Variants in TSPEAR observed in about 807,000 individuals in gnomAD.
The protein encoded by TSPEAR is thrombospondin-type laminin G domain and EAR repeat-containing protein.
Under a neutral mutation model 71.6 loss-of-function variants are expected in TSPEAR, and 69 were observed. The observed-to-expected ratio is 0.96, with a 90% CI of 0.79 to 1.18. The LOEUF (loss-of-function observed/expected upper bound fraction) is 1.18, where lower values mean the gene tolerates loss of function less well. Ranked by LOEUF, TSPEAR falls within the 50% of genes most tolerant of loss-of-function variation. TSPEAR has a pLI of 0.00. For synonymous variants in TSPEAR, 402 were observed against 387.2 expected (o/e 1.04, Z -0.45); for missense variants, 971 against 894.9 (o/e 1.09, Z -1.09).
At chr21:44,509,409 G>GCAGAGGTGTGGGGGAGCGGGCC in intron 9 of TSPEAR, 23 bp from the exon 10 acceptor site, 3 of 1,594,238 alleles carry the variant, frequency 1.9e-6, no homozygotes, top group Non-Finnish European at 2.6e-6. Flanking sequence ...GAGAGCAGGT[G>GCAGAGGTGTGGGGGAGCGGGCC]CAGAGGTGTG....
intron 1 of TSPEAR, among the ~76,000 whole-genome samples, chr21:44,600,096 T>C (rs377263): frequency 0.21 from 32,036 of 152,084 alleles, 6,489 homozygotes; most frequent in African/African-American, 0.53. Context: ...GGGGGGACTT[T>C]ATGCACCAGA....
intron 3 of TSPEAR, among the ~76,000 whole-genome samples, chr21:44,531,694 C>T (rs2052975979): frequency 6.6e-6 from 1 of 152,218 alleles, no homozygotes; most frequent in East Asian, 1.9e-4. Context: ...ACAGGGTCCT[C>T]CAGCCCACTC....
intron 1 of TSPEAR, among the ~76,000 whole-genome samples, chr21:44,575,868 C>T (rs1978405170): frequency 2.0e-5 from 3 of 152,040 alleles, no homozygotes; most frequent in South Asian, 2.1e-4. Flanking sequence ...ATCATCTCCT[C>T]GACCCTCCGG....
chr21:44,525,847 A>C lies in TSPEAR; in HGVS notation c.1150-8T>G. The C allele has an allele frequency of 6.2e-7, 1 of 1,613,908 alleles. No homozygotes were observed. The highest frequency in any genetic ancestry group is 8.5e-7 in the Non-Finnish European group (1 of 1,179,956). On this transcript the variant is annotated splice_region_variant and splice_polypyrimidine_tract_variant and intron_variant, in intron 7 of 11. Coordinates refer to ENST00000323084, the MANE Select transcript of TSPEAR (RefSeq NM_144991.3). ...AGCCACTGCCAGGAAGATCTGAAAG[A>C]GAGTAAACCGGGACCACGTGGTTCT...
intron 11 of TSPEAR, 98 bp from the exon 12 acceptor site, chr21:44,500,034 G>C: frequency 7.6e-7 from 1 of 1,307,272 alleles, no homozygotes; most frequent in Non-Finnish European, 1.0e-6. Context: ...CAGCAGCTCT[G>C]GGTCACATCT....
At chr21:44,628,878 G>T (rs587765391) in intron 1 of TSPEAR, among the ~76,000 whole-genome samples, 3 of 152,148 alleles carry the variant, frequency 2.0e-5, no homozygotes, top group African/African-American at 7.2e-5. Context: ...TGGGCTTGCC[G>T]CTGGGATGCA....
At position 44,499,692 on chromosome 21, in the gene TSPEAR, T is replaced by TG. The variant is rs1332151961; in HGVS notation, c.*90dup. ...TGCCCAGGCCCGGGATGCCCTAGGC[T>TG]GGGCCCACCTGGACGTCCAGGGTCA... On this transcript the variant is annotated 3_prime_UTR_variant, in exon 12 of 12. Coordinates refer to ENST00000323084, the MANE Select transcript of TSPEAR (RefSeq NM_144991.3). The TG allele has an allele frequency of 8.6e-5, 118 of 1,378,010 alleles. No homozygotes were observed. The highest frequency in any genetic ancestry group is 7.7e-4 in the Middle Eastern group (3 of 3,876). 85.4% of individuals were successfully genotyped at this position (1,378,010 alleles called of 1,614,324 possible).
At chr21:44,577,696 C>T (rs147729694) in intron 1 of TSPEAR, among the ~76,000 whole-genome samples, 1 of 152,196 alleles carries the variant, frequency 6.6e-6, no homozygotes, top group Non-Finnish European at 1.5e-5. Context: ...GACACATATC[C>T]ACCATATCAC....
intron 1 of TSPEAR, among the ~76,000 whole-genome samples, chr21:44,571,269 C>CA (rs2053791761): frequency 6.6e-6 from 1 of 152,242 alleles, no homozygotes; most frequent in South Asian, 2.1e-4. Flanking sequence ...AGGCTGATCT[C>CA]AAACTCCTGG....
intron 9 of TSPEAR, chr21:44,516,617 T>C (rs372475702): frequency 4.6e-5 from 7 of 152,352 alleles, no homozygotes; most frequent in East Asian, 1.9e-4. Context: ...ATCAGCTTCG[T>C]GTGGTCCTGA....
chr21:44,656,321 C>A (rs1985144104), intron 1 of TSPEAR, among the ~76,000 whole-genome samples: 2 of 152,222 alleles, frequency 1.3e-5, no homozygotes, highest in Admixed American at 1.3e-4. Flanking sequence ...TCCTAGTCAA[C>A]CTAAAGGACA....
chr21:44,542,806 A>G (rs782002632), intron 2 of TSPEAR, among the ~76,000 whole-genome samples: 2 of 151,880 alleles, frequency 1.3e-5, no homozygotes, highest in African/African-American at 2.4e-5. Flanking sequence ...CCTCCAAACC[A>G]AGAATCTTTA....
At chr21:44,573,043 C>T (rs1339866305) in intron 1 of TSPEAR, among the ~76,000 whole-genome samples, 2 of 152,024 alleles carry the variant, frequency 1.3e-5, no homozygotes, top group African/African-American at 2.4e-5. Context: ...GTCCACACCT[C>T]GATCTCAGAC....
chr21:44,591,933 G>A (rs202066340), intron 1 of TSPEAR: 408 of 1,608,870 alleles, frequency 2.5e-4, no homozygotes, highest in Non-Finnish European at 3.2e-4. Context: ...GGCAGCAGGG[G>A]CTGGACACAC....
At chr21:44,591,492 C>T (rs782000613) in intron 1 of TSPEAR, 7 of 1,614,036 alleles carry the variant, frequency 4.3e-6, no homozygotes, top group Non-Finnish European at 5.9e-6. Context: ...AGCAGCTGGG[C>T]TGGCAGGAGG....
chr21:44,706,538 C>A (rs1054809927), intron 1 of TSPEAR, among the ~76,000 whole-genome samples: 1 of 152,230 alleles, frequency 6.6e-6, no homozygotes, highest in Non-Finnish European at 1.5e-5. Context: ...CTCCCTGAGT[C>A]CCCGGCTCCG....
intron 1 of TSPEAR, chr21:44,666,733 G>T: frequency 1.2e-6 from 2 of 1,613,540 alleles, no homozygotes; most frequent in East Asian, 4.5e-5. Flanking sequence ...CACACGGCTG[G>T]CTTGAAGCTC....
At chr21:44,656,497 G>T (rs1985156588) in intron 1 of TSPEAR, among the ~76,000 whole-genome samples, 1 of 152,144 alleles carries the variant, frequency 6.6e-6, no homozygotes, top group Non-Finnish European at 1.5e-5. Context: ...TTGTTCCATT[G>T]TCTTCTGGCC....
At chr21:44,638,777 C>T (rs1983838053) in intron 1 of TSPEAR, among the ~76,000 whole-genome samples, 1 of 151,960 alleles carries the variant, frequency 6.6e-6, no homozygotes, top group Non-Finnish European at 1.5e-5. Flanking sequence ...CAAAGTGGAC[C>T]CTGGCAGCAC....
Sources: gnomAD v4.1 joint callset for allele counts (sites outside exome capture counted in the v4.1 genomes callset) on GRCh38, gnomAD v4.1.1 for gene constraint, MANE v1.5 for transcripts, NCBI Gene and HGNC (gene_info 2026-07-23, HGNC 2026-07-21) for gene names.